The following AKT3 variants were observed in gnomAD, a reference collection of about 807,000 sequenced individuals.
AKT3 encodes the protein AKT serine/threonine kinase 3.
A neutral mutation model predicts 65.3 loss-of-function variants in AKT3; 15 were observed. The ratio of observed to expected loss-of-function variants is 0.23; its 90% CI spans 0.15 to 0.35. The LOEUF (loss-of-function observed/expected upper bound fraction) is 0.35, where lower values mean the gene tolerates loss of function less well. Among genes scored for constraint, AKT3 ranks in the 10% least tolerant of loss-of-function variants. The pLI is 1.00. For synonymous variants in AKT3, 206 were observed against 183.8 expected (o/e 1.12, Z -0.98); for missense variants, 243 against 576.5 (o/e 0.42, Z 5.92).
chr1:243,505,197 C>A lies in AKT3; in HGVS notation c.*52G>T. 1 of 1,532,806 alleles carries A rather than the reference C, an allele frequency of 6.5e-7. No individual in the cohort carries two copies. Among genetic ancestry groups the A allele is most frequent in the Non-Finnish European group, 9.0e-7 (1 of 1,107,674 alleles). The allele number at this position is 1,532,806 out of a possible 1,614,324, so 95.0% of individuals were successfully genotyped here. Reference sequence around the variant, plus strand: ...GCTAGGACTGGTGATGTCCAGGAATCATTTTCAGTAATAAATTGAAGATGA... The same window carrying A: ...GCTAGGACTGGTGATGTCCAGGAATAATTTTCAGTAATAAATTGAAGATGA... On this transcript the variant is annotated 3_prime_UTR_variant, in exon 14 of 14. Transcript: ENST00000673466.
intron 3 of AKT3, among the ~76,000 whole-genome samples, chr1:243,680,939 G>A (rs537512567): frequency 6.6e-6 from 1 of 152,136 alleles, no homozygotes; most frequent in Admixed American, 6.6e-5. Flanking sequence ...CAGACAGACA[G>A]ACTAGTCTAG....
chr1:243,836,442 A>G (rs1286123841), intron 2 of AKT3, among the ~76,000 whole-genome samples: 1 of 152,016 alleles, frequency 6.6e-6, no homozygotes, highest in Admixed American at 6.5e-5. Flanking sequence ...ATAGCTGGAG[A>G]CTATAACACT....
At chr1:243,708,288 A>T (rs1041945542) in intron 2 of AKT3, among the ~76,000 whole-genome samples, 1 of 151,994 alleles carries the variant, frequency 6.6e-6, no homozygotes, top group East Asian at 1.9e-4. Flanking sequence ...ACACTATTCA[A>T]TTACTCAAAT....
intron 2 of AKT3, among the ~76,000 whole-genome samples, chr1:243,744,465 C>T (rs578036870): frequency 6.6e-6 from 1 of 151,824 alleles, no homozygotes; most frequent in African/African-American, 2.4e-5. Flanking sequence ...ATTGGCCGGG[C>T]GCGGTGGCTC....
intron 13 of AKT3, among the ~76,000 whole-genome samples, chr1:243,494,578 T>C (rs1667347076): frequency 6.6e-6 from 1 of 152,152 alleles, no homozygotes; most frequent in African/African-American, 2.4e-5. Context: ...GAGCGCCCCG[T>C]GTATAATTAA....
chr1:243,488,972 T>A, intron 13 of AKT3: 1 of 1,612,906 alleles, frequency 6.2e-7, no homozygotes, highest in Non-Finnish European at 8.5e-7. Context: ...GTTGAAAGGC[T>A]GACGTTATCC....
chr1:243,725,684 C>T (rs368443779), intron 2 of AKT3, among the ~76,000 whole-genome samples: 39 of 152,298 alleles, frequency 2.6e-4, no homozygotes, highest in South Asian at 1.2e-3. Flanking sequence ...TTGAAGGTCA[C>T]TTTGACTACT....
intron 4 of AKT3, among the ~76,000 whole-genome samples, chr1:243,652,281 C>T (rs759276474): frequency 4.6e-5 from 7 of 152,042 alleles, no homozygotes; most frequent in Non-Finnish European, 1.0e-4. Flanking sequence ...AACTCCTGAC[C>T]TCAGGTGATC....
chr1:243,590,274 TG>T (rs1200948452), intron 8 of AKT3, among the ~76,000 whole-genome samples: 1 of 152,130 alleles, frequency 6.6e-6, no homozygotes, highest in Non-Finnish European at 1.5e-5. Flanking sequence ...AACTGATAGG[TG>T]ACAGACGTAT....
intron 2 of AKT3, among the ~76,000 whole-genome samples, chr1:243,799,998 T>A (rs1047480501): frequency 6.6e-6 from 1 of 152,180 alleles, no homozygotes; most frequent in Non-Finnish European, 1.5e-5. Context: ...CCTTTTTTTT[T>A]AGCTCTTATT....
At chr1:243,615,012 G>C in intron 7 of AKT3, 84 bp downstream of exon 7, 1 of 987,378 alleles carries the variant, frequency 1.0e-6, no homozygotes, top group East Asian at 2.5e-5. Flanking sequence ...TAAATGAATA[G>C]TATTTTTCAC....
At position 243,664,783 on chromosome 1, in the gene AKT3, A is replaced by T; in HGVS notation, c.273T>A (p.Thr91=). 2 of 1,509,300 alleles carry T rather than the reference A, an allele frequency of 1.3e-6. No homozygotes were observed. Among genetic ancestry groups the T allele is most frequent in the Non-Finnish European group, 1.8e-6 (2 of 1,125,082 alleles). 93.5% of individuals were successfully genotyped at this position (1,509,300 alleles called of 1,614,324 possible). A position where few individuals can be genotyped will look rare whatever the true frequency, so the allele number is the denominator to read the frequency against. The change falls in exon 4 of 14, where the codon ACT becomes ACA. Residue 91 remains threonine, a synonymous_variant. Transcript: ENST00000673466. ...TVIERTFHVD[T]PEEREEWTEA... Reference sequence around the variant, plus strand: ...AGTGAATTTCTTACCTTTCCTCTGGAGTATCTACATGAAATGTTCTCTCTA... The same window carrying T: ...AGTGAATTTCTTACCTTTCCTCTGGTGTATCTACATGAAATGTTCTCTCTA...
At chr1:243,587,453 G>A (rs320322) in intron 8 of AKT3, among the ~76,000 whole-genome samples, 105,443 of 151,890 alleles carry the variant, frequency 0.69, 39,004 homozygotes, top group Non-Finnish European at 0.81. Context: ...CCTACCAAAA[G>A]CACACAAAAA....
chr1:243,613,843 A>G, intron 7 of AKT3, 104 bp from the exon 8 acceptor site: 1 of 654,312 alleles, frequency 1.5e-6, no homozygotes. Context: ...ATGAAAGATG[A>G]AAAGAATTGT....
intron 4 of AKT3, among the ~76,000 whole-genome samples, chr1:243,653,067 T>C (rs943228257): frequency 6.6e-6 from 1 of 151,194 alleles, no homozygotes; most frequent in African/African-American, 2.4e-5. Context: ...CAGGAGCTGG[T>C]TTTTTGAAAA....
In AKT3 at chr1:243,652,771, C is replaced by CAAAAAAAAAAAAAAA. The variant is rs371580711; in HGVS notation, c.285-6749_285-6735dup. On this transcript the variant is annotated intron_variant, in intron 4 of 13. Coordinates refer to ENST00000673466, the MANE Select transcript of AKT3 (RefSeq NM_005465.7). ...GAATATTTACCAAGCAAATAGAAAG[C>CAAAAAAAAAAAAAAA]AAAAAAAAAAAAAAAAAAAAAAGCA... Among the ~76,000 whole-genome samples, 26 of 31,282 alleles carry CAAAAAAAAAAAAAAA rather than the reference C, an allele frequency of 8.3e-4. 1 individual carries two copies. Among genetic ancestry groups the CAAAAAAAAAAAAAAA allele is most frequent in the South Asian group, 2.5e-3 (1 of 408 alleles). The allele number at this position is 31,282 out of a possible 152,430, so 20.5% of individuals were successfully genotyped here.
intron 13 of AKT3, among the ~76,000 whole-genome samples, chr1:243,493,032 G>T (rs1364228212): frequency 4.6e-5 from 7 of 152,138 alleles, no homozygotes; most frequent in Non-Finnish European, 8.8e-5. Flanking sequence ...ACTTGTCCTT[G>T]TGGAGAAACA....
At chr1:243,677,627 A>AT (rs1025341266) in intron 3 of AKT3, among the ~76,000 whole-genome samples, 19 of 150,712 alleles carry the variant, frequency 1.3e-4, no homozygotes, top group African/African-American at 3.1e-4. Context: ...TACTTGAGAT[A>AT]TTTTTTTTTC....
At chr1:243,512,547 G>A (rs542552696) in intron 12 of AKT3, 121 bp from the exon 13 acceptor site, 42 of 639,448 alleles carry the variant, frequency 6.6e-5, no homozygotes, top group South Asian at 2.4e-4. Flanking sequence ...ATGCTGAGTC[G>A]CTGGGTAAGG....
Sources: gnomAD v4.1 joint callset for allele counts (sites outside exome capture counted in the v4.1 genomes callset) on GRCh38, gnomAD v4.1.1 for gene constraint, MANE v1.5 for transcripts, NCBI Gene and HGNC (gene_info 2026-07-23, HGNC 2026-07-21) for gene names.